Variants in SLC24A2 observed in about 807,000 individuals in gnomAD.
The protein encoded by SLC24A2 is solute carrier family 24 member 2, also known as sodium/potassium/calcium exchanger 2.
A neutral mutation model predicts 62.0 loss-of-function variants in SLC24A2; 36 were observed. The observed-to-expected ratio is 0.58, with a 90% CI of 0.44 to 0.77. The LOEUF is 0.77. Ranked by LOEUF, SLC24A2 falls within the 30% of genes least tolerant of loss-of-function variation. The probability of loss-of-function intolerance (pLI) is 0.00; values close to 1 mark genes in which losing one functional copy is unlikely to be tolerated. For missense variants in SLC24A2, 846 were observed against 817.9 expected (o/e 1.03, Z -0.42); for synonymous variants, 358 against 294.0 (o/e 1.22, Z -2.23).
chr9:19,996,682 C>A, the SLC24A2 span, among the ~76,000 whole-genome samples: 1 of 142,374 alleles, frequency 7.0e-6, no homozygotes, highest in Non-Finnish European at 1.5e-5. Flanking sequence ...GTGGAGGTTG[C>A]AGTGAGCCGA....
the SLC24A2 span, among the ~76,000 whole-genome samples, chr9:19,830,631 G>A: frequency 6.6e-6 from 1 of 152,148 alleles, no homozygotes; most frequent in Non-Finnish European, 1.5e-5. Context: ...CTATGAACCA[G>A]CAAGGCCACA....
At chr9:20,206,529 G>A in the SLC24A2 span, among the ~76,000 whole-genome samples, 3 of 151,876 alleles carry the variant, frequency 2.0e-5, no homozygotes, top group Non-Finnish European at 2.9e-5. Flanking sequence ...TCGCTCTGTC[G>A]CCCAGGCTGG....
the SLC24A2 span, among the ~76,000 whole-genome samples, chr9:20,184,792 A>G: frequency 2.0e-5 from 3 of 152,150 alleles, no homozygotes; most frequent in Non-Finnish European, 4.4e-5. Flanking sequence ...TGTCAAACAG[A>G]TAACTACACT....
the SLC24A2 span, among the ~76,000 whole-genome samples, chr9:20,105,824 A>T: frequency 1.3e-5 from 2 of 152,156 alleles, no homozygotes; most frequent in Non-Finnish European, 2.9e-5. Context: ...AAAAGCTAGC[A>T]GAAGGCAAGA....
At chr9:20,286,607 A>G in the SLC24A2 span, among the ~76,000 whole-genome samples, 1 of 152,236 alleles carries the variant, frequency 6.6e-6, no homozygotes, top group East Asian at 1.9e-4. Flanking sequence ...TCATTTTAGC[A>G]GAATAGAACT....
intron 2 of SLC24A2, among the ~76,000 whole-genome samples, chr9:19,721,497 G>C (rs143261348): frequency 2.2e-4 from 33 of 152,194 alleles, no homozygotes; most frequent in Non-Finnish European, 4.4e-4. Flanking sequence ...AAACATTAAA[G>C]TCTTCTTTCC....
At chr9:19,692,810 A>G (rs1587162296) in intron 2 of SLC24A2, among the ~76,000 whole-genome samples, 2 of 152,178 alleles carry the variant, frequency 1.3e-5, no homozygotes, top group East Asian at 3.9e-4. Flanking sequence ...GTACATAGGA[A>G]GTGCTCGATA....
intron 2 of SLC24A2, among the ~76,000 whole-genome samples, chr9:19,675,950 C>T (rs1819548596): frequency 1.3e-5 from 2 of 152,154 alleles, no homozygotes; most frequent in South Asian, 4.1e-4. Flanking sequence ...TTTCCAGTTC[C>T]TCTGGCAGCA....
chr9:19,749,349 C>T (rs1474898140), intron 2 of SLC24A2, among the ~76,000 whole-genome samples: 1 of 151,892 alleles, frequency 6.6e-6, no homozygotes, highest in Non-Finnish European at 1.5e-5. Context: ...GTTGGATGTC[C>T]ATTTTTTAAA....
chr9:19,746,424 G>A (rs187054452), intron 2 of SLC24A2, among the ~76,000 whole-genome samples: 2 of 152,028 alleles, frequency 1.3e-5, no homozygotes, highest in African/African-American at 4.8e-5. Context: ...GCTCTTAGGG[G>A]TGCCTGAGGC....
At chr9:19,998,831 G>T in the SLC24A2 span, among the ~76,000 whole-genome samples, 1 of 152,332 alleles carries the variant, frequency 6.6e-6, no homozygotes, top group Non-Finnish European at 1.5e-5. Flanking sequence ...AGATAAAAAT[G>T]CTTGCTATAC....
the SLC24A2 span, among the ~76,000 whole-genome samples, chr9:20,292,906 T>C: frequency 2.0e-5 from 3 of 152,234 alleles, no homozygotes; most frequent in Non-Finnish European, 4.4e-5. Context: ...CTCACAGTTA[T>C]GGAGGCTGGA....
At chr9:20,129,068 A>G in the SLC24A2 span, among the ~76,000 whole-genome samples, 1 of 152,126 alleles carries the variant, frequency 6.6e-6, no homozygotes. Context: ...TAGAATATAT[A>G]AAGAACTCAT....
At chr9:19,638,160 G>C (rs1818405882) in intron 2 of SLC24A2, among the ~76,000 whole-genome samples, 1 of 152,180 alleles carries the variant, frequency 6.6e-6, no homozygotes, top group South Asian at 2.1e-4. Flanking sequence ...CCATACCCAG[G>C]GCTGTCTGGC....
chr9:20,015,784 A>G, the SLC24A2 span, among the ~76,000 whole-genome samples: 1 of 152,238 alleles, frequency 6.6e-6, no homozygotes, highest in Admixed American at 6.5e-5. Flanking sequence ...CATCTAGCCC[A>G]GTTATTAAGG....
chr9:19,987,033 A>C, the SLC24A2 span, among the ~76,000 whole-genome samples: 1 of 152,140 alleles, frequency 6.6e-6, no homozygotes, highest in Non-Finnish European at 1.5e-5. Context: ...GGAGTCAAAG[A>C]AGCAGAACAG....
rs753031972 is a variant in SLC24A2, at chr9:19,590,812, A to G, written c.1129+6417T>C. On this transcript the variant is annotated intron_variant, in intron 5 of 10. Coordinates refer to ENST00000341998, the MANE Select transcript of SLC24A2 (RefSeq NM_020344.4). ...CTTCCAAAACCCCAATTTGATATTA[A>G]GTTTTTGGCAAGTCAAAAAACCCCC... 7.9e-5 allele frequency among the ~76,000 whole-genome samples: 12 copies of G among 152,228 alleles called. 1 individual carries two copies. In the Middle Eastern group the frequency reaches 0.01, roughly 129 times the overall value.
the SLC24A2 span, among the ~76,000 whole-genome samples, chr9:20,289,821 G>A: frequency 6.6e-6 from 1 of 152,088 alleles, no homozygotes; most frequent in African/African-American, 2.4e-5. Context: ...ATTTTCCTTG[G>A]CAAATACTAA....
the SLC24A2 span, among the ~76,000 whole-genome samples, chr9:20,176,581 G>C: frequency 6.6e-6 from 1 of 152,220 alleles, no homozygotes; most frequent in South Asian, 2.1e-4. Flanking sequence ...GAAACACAGT[G>C]TACTATCTTG....
Sources: allele counts gnomAD v4.1 joint callset (sites outside exome capture counted in the v4.1 genomes callset), GRCh38; gene constraint gnomAD v4.1.1; transcripts MANE v1.5; gene names NCBI Gene and HGNC (gene_info 2026-07-23, HGNC 2026-07-21).